Variants in ANKRD26 observed in about 807,000 individuals in gnomAD.
ANKRD26 encodes ankyrin repeat domain 26, also known as ankyrin repeat domain-containing protein 26.
A neutral mutation model predicts 208.7 loss-of-function variants in ANKRD26; 141 were observed. The ratio of observed to expected loss-of-function variants is 0.68; its 90% CI spans 0.59 to 0.78. The LOEUF (loss-of-function observed/expected upper bound fraction) is 0.78, where lower values mean the gene tolerates loss of function less well. Ranked by LOEUF, ANKRD26 falls within the 30% of genes least tolerant of loss-of-function variation. ANKRD26 has a pLI of 0.00. For missense variants in ANKRD26, 1,889 were observed against 1,938.7 expected (o/e 0.97, Z 0.48); for synonymous variants, 636 against 660.4 (o/e 0.96, Z 0.57).
At chr10:27,042,730 A>G (rs761777268) in intron 20 of ANKRD26, among the ~76,000 whole-genome samples, 15 of 150,288 alleles carry the variant, frequency 1.0e-4, no homozygotes, top group South Asian at 4.2e-4. Flanking sequence ...TCCAGCCTGG[A>G]CGACAGAGCG....
intron 5 of ANKRD26, among the ~76,000 whole-genome samples, chr10:26,992,501 C>CAGAG (rs777674093): frequency 6.7e-6 from 1 of 149,862 alleles, no homozygotes; most frequent in African/African-American, 2.5e-5. Flanking sequence ...CACACACACA[C>CAGAG]ACACACAGAG....
At chr10:27,031,497 C>T (rs1167988480) in intron 25 of ANKRD26, among the ~76,000 whole-genome samples, 1 of 152,068 alleles carries the variant, frequency 6.6e-6, no homozygotes, top group Non-Finnish European at 1.5e-5. Context: ...TTTAAGGAGA[C>T]AAAAAGTAGA....
chr10:27,011,581 G>C (rs2053113096), intron 32 of ANKRD26, among the ~76,000 whole-genome samples: 1 of 152,096 alleles, frequency 6.6e-6, no homozygotes, highest in South Asian at 2.1e-4. Flanking sequence ...CCCCAGAAAT[G>C]AAGTCGTACT....
chr10:27,072,495 C>T (rs2055539394), intron 9 of ANKRD26, among the ~76,000 whole-genome samples: 1 of 152,196 alleles, frequency 6.6e-6, no homozygotes, highest in Non-Finnish European at 1.5e-5. Context: ...TGCCCTCCAC[C>T]TGCCATGGTA....
chr10:27,067,595 G>A (rs2055309262), intron 9 of ANKRD26, among the ~76,000 whole-genome samples: 1 of 152,148 alleles, frequency 6.6e-6, no homozygotes, highest in African/African-American at 2.4e-5. Context: ...TCACATGGCA[G>A]AGCCAGGGCA....
At chr10:26,963,902 G>GTTTTTTTTTTTTTTTTTTT in the ANKRD26 span, among the ~76,000 whole-genome samples, 5 of 66,976 alleles carry the variant, frequency 7.5e-5, 2 homozygotes, top group East Asian at 4.8e-4. Flanking sequence ...ATGGTTGGTT[G>GTTTTTTTTTTTTTTTTTTT]GTTTTTTTTT....
At chr10:26,987,224 G>A (rs1305303684), downstream of ANKRD26, among the ~76,000 whole-genome samples, 4 of 151,926 alleles carry the variant, frequency 2.6e-5, no homozygotes, top group Non-Finnish European at 5.9e-5. Flanking sequence ...GGTGAGAATT[G>A]AACAATGAGA....
the ANKRD26 span, among the ~76,000 whole-genome samples, chr10:26,965,086 C>G: frequency 6.6e-6 from 1 of 152,170 alleles, no homozygotes; most frequent in Admixed American, 6.5e-5. Flanking sequence ...ATGCCATCCC[C>G]ATCAAGCTAC....
chr10:27,075,829 C>T lies in ANKRD26; in HGVS notation c.1077+1509G>A, dbSNP rs1284104845. On this transcript the variant is annotated intron_variant, in intron 9 of 33. Transcript: ENST00000376087. ...TTTAATAGGCATATGGAACATTCTCCAAGATAGACCATATGATAGGCCACA... is the reference window on the plus strand; with the variant it reads ...TTTAATAGGCATATGGAACATTCTCTAAGATAGACCATATGATAGGCCACA... Among the ~76,000 whole-genome samples, 3 of 152,096 alleles carry T rather than the reference C, an allele frequency of 2.0e-5. No homozygotes were observed. The East Asian group carries it at 5.8e-4, about 29-fold the overall frequency.
chr10:26,952,098 C>T, the ANKRD26 span, among the ~76,000 whole-genome samples: 2 of 152,194 alleles, frequency 1.3e-5, no homozygotes, highest in Non-Finnish European at 2.9e-5. Flanking sequence ...CCTCTTCTTT[C>T]CAGGAGCCAA....
chr10:27,060,585 C>A (rs1207433486), intron 13 of ANKRD26, 45 bp from the exon 14 acceptor site: 3 of 1,333,646 alleles, frequency 2.2e-6, no homozygotes, highest in Non-Finnish European at 2.1e-6. Context: ...ATAAATATGA[C>A]AAAGTCAATC....
At chr10:26,968,075 G>A in the ANKRD26 span, among the ~76,000 whole-genome samples, 1 of 152,076 alleles carries the variant, frequency 6.6e-6, no homozygotes, top group Non-Finnish European at 1.5e-5. Flanking sequence ...ACACTTCAGT[G>A]TCTTCCCACG....
rs776288413 is a variant in ANKRD26 at position 27,035,389 on chromosome 10, C to T, written c.3061G>A (p.Asp1021Asn). ...TCTCTTTTTGATGTCTCACTTTGATCACGATCATGTATAGCAGCAGCCAAT... is the reference window on the plus strand; with the variant it reads ...TCTCTTTTTGATGTCTCACTTTGATTACGATCATGTATAGCAGCAGCCAAT... ...SRLAAAIHDR[D>N]QSETSKRELE... The change falls in exon 24 of 34, where the codon GAT becomes AAT. Residue 1021 changes from aspartate to asparagine, a missense_variant. By Grantham distance (23) the Asp-to-Asn change is conservative (BLOSUM62 1). This residue lies in a region of ANKRD26 where 1,272 missense variants were observed against 1,273.8 expected (regional missense o/e 1.00). Coordinates refer to ENST00000376087, the MANE Select transcript of ANKRD26 (RefSeq NM_014915.3). The T allele has an allele frequency of 4.7e-5, 76 of 1,613,926 alleles. No individual in the cohort carries two copies. Among genetic ancestry groups the T allele is most frequent in the Non-Finnish European group, 6.3e-5 (74 of 1,179,898 alleles).
chr10:27,014,684 C>G lies in ANKRD26; in HGVS notation c.4534G>C (p.Glu1512Gln). The G allele has an allele frequency of 6.2e-7, 1 of 1,612,986 alleles. No individual in the cohort carries two copies. Among genetic ancestry groups the G allele is most frequent in the South Asian group, 1.1e-5 (1 of 91,000 alleles). The part of the protein sequence containing the change: ...QAQAASQENL[E>Q]QFRENNFASM... ...GCAAAATTATTCTCTCTAAACTGCT[C>G]TAAGTTTTCTTGAGATGCTGCTTGT... Residue 1512 changes from glutamate (E) to glutamine (Q), a missense_variant, in exon 31 of 34, where the codon GAG becomes CAG. By Grantham distance (29) the Glu-to-Gln change is conservative. This residue lies in a region of ANKRD26 where 613 missense variants were observed against 648.2 expected (regional missense o/e 0.95). Coordinates refer to ENST00000376087, the MANE Select transcript of ANKRD26 (RefSeq NM_014915.3).
At chr10:26,976,960 C>T (rs1305902640) in intron 5 of ANKRD26, among the ~76,000 whole-genome samples, 3 of 152,152 alleles carry the variant, frequency 2.0e-5, no homozygotes, top group Non-Finnish European at 4.4e-5. Flanking sequence ...CGTGATAATG[C>T]GGCAGGCTCA....
chr10:26,963,481 C>T, the ANKRD26 span, among the ~76,000 whole-genome samples: 1 of 152,126 alleles, frequency 6.6e-6, no homozygotes, highest in African/African-American at 2.4e-5. Flanking sequence ...CTGACGAACA[C>T]CTAGTGAAGC....
At chr10:26,958,734 C>T in the ANKRD26 span, among the ~76,000 whole-genome samples, 1 of 151,058 alleles carries the variant, frequency 6.6e-6, no homozygotes, top group Admixed American at 6.6e-5. Context: ...CAGTTGATTC[C>T]ATGACTCTCT....
the ANKRD26 span, among the ~76,000 whole-genome samples, chr10:26,961,698 T>A: frequency 8.6e-5 from 13 of 151,850 alleles, no homozygotes; most frequent in African/African-American, 3.1e-4. Context: ...ATAATAATAA[T>A]AATAAAATGG....
chr10:27,079,643 C>T (rs2055830105), intron 6 of ANKRD26, among the ~76,000 whole-genome samples: 1 of 152,072 alleles, frequency 6.6e-6, no homozygotes, highest in Non-Finnish European at 1.5e-5. Flanking sequence ...AACTTGAGCC[C>T]AGGAGTTCGA....
Sources: gnomAD v4.1 joint callset for allele counts (sites outside exome capture counted in the v4.1 genomes callset) on GRCh38, gnomAD v4.1.1 for gene constraint, gnomAD v4.1.1 regional missense constraint, MANE v1.5 for transcripts, NCBI Gene and HGNC (gene_info 2026-07-23, HGNC 2026-07-21) for gene names.